Variants in PNPLA8 observed in about 807,000 individuals in gnomAD.
The protein encoded by PNPLA8 is patatin like domain 8, phospholipase A2, also known as calcium-independent phospholipase A2-gamma.
Under a neutral mutation model 76.9 loss-of-function variants are expected in PNPLA8, and 39 were observed. That is an observed-to-expected ratio of 0.51 (90% CI 0.39 to 0.66). The LOEUF (loss-of-function observed/expected upper bound fraction) is 0.66. PNPLA8 is among the 30% of genes least tolerant of loss of function. The probability of loss-of-function intolerance (pLI) is 0.00; values close to 1 mark genes in which losing one functional copy is unlikely to be tolerated. For missense variants in PNPLA8, 887 were observed against 918.0 expected (o/e 0.97, Z 0.44); for synonymous variants, 301 against 307.9 (o/e 0.98, Z 0.24).
intron 7 of PNPLA8, among the ~76,000 whole-genome samples, chr7:108,493,645 T>C (rs1348602045): frequency 6.7e-6 from 1 of 149,740 alleles, no homozygotes; most frequent in Non-Finnish European, 1.5e-5. Context: ...AGGTGAATTA[T>C]ATTTTCTAAT....
chr7:108,527,149 A>G (rs998405096), upstream of PNPLA8, among the ~76,000 whole-genome samples: 1 of 152,222 alleles, frequency 6.6e-6, no homozygotes, highest in African/African-American at 2.4e-5. Context: ...TGTACTCTCA[A>G]GGCTTACCCA....
chr7:108,508,709 C>T (rs1436620521), intron 4 of PNPLA8, among the ~76,000 whole-genome samples: 2 of 151,492 alleles, frequency 1.3e-5, no homozygotes, highest in Non-Finnish European at 2.9e-5. Flanking sequence ...AAAGAGCCCA[C>T]ATTGCCAAGT....
At chr7:108,512,636 T>A (rs80096843) in intron 4 of PNPLA8, among the ~76,000 whole-genome samples, 3,138 of 152,278 alleles carry the variant, frequency 0.021, 42 homozygotes, top group African/African-American at 0.028. Flanking sequence ...CAACTCTTGA[T>A]AATAACAAAA....
intron 10 of PNPLA8, among the ~76,000 whole-genome samples, chr7:108,478,399 G>T (rs1177248167): frequency 6.6e-6 from 1 of 150,812 alleles, no homozygotes; most frequent in African/African-American, 2.4e-5. Flanking sequence ...TTTGTTTTTG[G>T]TTTTTTTTTG....
intron 8 of PNPLA8, among the ~76,000 whole-genome samples, chr7:108,490,374 A>ACACAGGTTTATAGCC (rs1201808013): frequency 2.5e-4 from 38 of 151,598 alleles, no homozygotes; most frequent in African/African-American, 2.7e-4. Flanking sequence ...ACACTCTATA[A>ACACAGGTTTATAGCC]TACTTGCACA....
chr7:108,497,576 C>A lies in PNPLA8; in HGVS notation c.1360G>T (p.Gly454Cys). 6.4e-7 allele frequency: 1 copy of A among 1,567,002 alleles called. No individual in the cohort carries two copies. Among genetic ancestry groups the A allele is most frequent in the Non-Finnish European group, 8.7e-7 (1 of 1,155,404 alleles). ...CGTAGGGTCTGGAGAGCAACCACGC[C>A]CCTACAGAAAAGATTAAAGACAAAA... ...ILSIDGGGTRGVVALQTLRKL... is the reference protein window; with the variant it reads ...ILSIDGGGTRCVVALQTLRKL... Residue 454 changes from glycine (G) to cysteine (C), a missense_variant and splice_region_variant, in exon 6 of 11, where the codon GGC (glycine) becomes TGC (cysteine). Physicochemically the swap from Gly to Cys is radical, Grantham distance 159 (BLOSUM62 -3). Transcript: ENST00000257694.
chr7:108,487,996 A>G (rs1262206539), intron 8 of PNPLA8, 43 bp from the exon 9 acceptor site: 1 of 1,214,012 alleles, frequency 8.2e-7, no homozygotes. Context: ...TAACAGTAAT[A>G]TATTTGGGAT....
chr7:108,498,001 G>GA (rs201923487), intron 5 of PNPLA8, among the ~76,000 whole-genome samples: 24,776 of 77,350 alleles, frequency 0.32, 2,449 homozygotes, highest in East Asian at 0.47. Flanking sequence ...CATTTCTACA[G>GA]AAAAAAAAAA....
chr7:108,507,283 C>T (rs1035716731), intron 4 of PNPLA8, among the ~76,000 whole-genome samples: 3 of 129,372 alleles, frequency 2.3e-5, no homozygotes, highest in African/African-American at 9.1e-5. Flanking sequence ...GTGGAGGTTG[C>T]AGTGAGCTGA....
chr7:108,487,744 T>C lies in PNPLA8; in HGVS notation c.1878+15A>G. On this transcript the variant is annotated intron_variant, in intron 9 of 10. Transcript: ENST00000257694. Reference sequence around the variant, plus strand: ...ATGTAAAATTTAAAAAAATAAGACATACAAGTCAACTTACTTGATGAAGAT... The same window carrying C: ...ATGTAAAATTTAAAAAAATAAGACACACAAGTCAACTTACTTGATGAAGAT... 6.5e-7 allele frequency: 1 copy of C among 1,544,016 alleles called. No individual in the cohort carries two copies. The highest frequency in any genetic ancestry group is 1.2e-5 in the South Asian group (1 of 83,644).
chr7:108,501,821 C>T (rs774795268), intron 5 of PNPLA8, among the ~76,000 whole-genome samples: 3 of 151,676 alleles, frequency 2.0e-5, no homozygotes, highest in Non-Finnish European at 2.9e-5. Context: ...AAGACTCTGT[C>T]TCCAAAAAAA....
intron 4 of PNPLA8, among the ~76,000 whole-genome samples, chr7:108,503,197 G>C (rs1862091468): frequency 6.6e-6 from 1 of 152,198 alleles, no homozygotes; most frequent in East Asian, 1.9e-4. Context: ...GAGACTTCAA[G>C]ATTCTAAGCA....
Position 108,515,366 on chromosome 7 carries a change from G to A in PNPLA8, c.126C>T (p.Ser42=), listed in dbSNP as rs756651900. 32 of 1,612,976 alleles carry A rather than the reference G, an allele frequency of 2.0e-5. No homozygotes were observed. Among genetic ancestry groups the A allele is most frequent in the African/African-American group, 2.7e-5 (2 of 74,902 alleles). ...GAAAACCTCTTTGTAGACTGATGTGGCTTATCCTCCAGTAATGCTTAGGTG... is the reference window on the plus strand; with the variant it reads ...GAAAACCTCTTTGTAGACTGATGTGACTTATCCTCCAGTAATGCTTAGGTG... ...LFSPKHYWRI[S]HISLQRGFHT... The change falls in exon 3 of 11, where the codon AGC becomes AGT. Residue 42 remains serine (S), a synonymous_variant. Coordinates refer to ENST00000257694, the MANE Select transcript of PNPLA8 (RefSeq NM_001256007.3).
intron 1 of PNPLA8, among the ~76,000 whole-genome samples, chr7:108,523,815 AAGTACT>A (rs1409797203): frequency 1.3e-5 from 2 of 152,194 alleles, no homozygotes; most frequent in Admixed American, 6.5e-5. Context: ...CTCACCCAGC[AAGTACT>A]AGTGTGGGGA....
At chr7:108,519,972 G>A (rs930882057) in intron 2 of PNPLA8, among the ~76,000 whole-genome samples, 7 of 152,092 alleles carry the variant, frequency 4.6e-5, no homozygotes, top group Non-Finnish European at 7.4e-5. Flanking sequence ...CCAACTCTCC[G>A]TCCATTCCTT....
Position 108,514,426 on chromosome 7 carries a change from A to C in PNPLA8, c.1056+10T>G. 1 of 1,595,172 alleles carries C rather than the reference A, an allele frequency of 6.3e-7. No individual in the cohort carries two copies. The highest frequency in any genetic ancestry group is 8.5e-7 in the Non-Finnish European group (1 of 1,171,458). On this transcript the variant is annotated intron_variant, in intron 3 of 10. Transcript: ENST00000257694. ...AGTAATAGAACCGAAAAGCACACTGAACAACTTGCCTTTTCTCGCTGAAGA... is the reference window on the plus strand; with the variant it reads ...AGTAATAGAACCGAAAAGCACACTGCACAACTTGCCTTTTCTCGCTGAAGA...
In PNPLA8 at chr7:108,515,286, T is replaced by C. The variant is rs1863250775; in HGVS notation, c.206A>G (p.Lys69Arg). ...ATGGTTGCTTGGAGAGTAACAGTGC[T>C]TACTGCAAGAATGTGCTTCACTTTT... is the stretch of plus-strand genomic sequence containing the variant. ...WTKSEAHSCS[K>R]HCYSPSNHGL... Residue 69 changes from lysine to arginine, a missense_variant, in exon 3 of 11, where the codon AAG (lysine) becomes AGG (arginine). By Grantham distance (26) the Lys-to-Arg change is conservative. Transcript: ENST00000257694. The C allele has an allele frequency of 1.2e-6, 2 of 1,610,004 alleles. No homozygotes were observed. The highest frequency in any genetic ancestry group is 1.7e-6 in the Non-Finnish European group (2 of 1,178,162).
chr7:108,520,009 C>T (rs1056582463), intron 2 of PNPLA8, among the ~76,000 whole-genome samples: 2 of 152,098 alleles, frequency 1.3e-5, no homozygotes, highest in Non-Finnish European at 1.5e-5. Flanking sequence ...TATTGCCGCT[C>T]GAGAGAATTA....
rs990146975 is a variant in PNPLA8, at chr7:108,472,309, A to G, written c.*92T>C. 4.5e-6 allele frequency: 4 copies of G among 879,892 alleles called. No individual in the cohort carries two copies. Among genetic ancestry groups the G allele is most frequent in the Non-Finnish European group, 7.0e-6 (4 of 572,054 alleles). 54.5% of individuals were successfully genotyped at this position (879,892 alleles called of 1,614,324 possible). ...TTCTCCAGAATTCATACGTATTTCA[A>G]AGTTAACTCATGTCGAACCCCACAA... On this transcript the variant is annotated 3_prime_UTR_variant, in exon 11 of 11. Coordinates refer to ENST00000257694, the MANE Select transcript of PNPLA8 (RefSeq NM_001256007.3).
Sources: allele counts gnomAD v4.1 joint callset (sites outside exome capture counted in the v4.1 genomes callset), GRCh38; gene constraint gnomAD v4.1.1; transcripts MANE v1.5; gene names NCBI Gene and HGNC (gene_info 2026-07-23, HGNC 2026-07-21).